The following COMMD10 variants were observed in gnomAD, a reference collection of about 807,000 sequenced individuals.
The protein encoded by COMMD10 is COMM domain containing 10.
A neutral mutation model predicts 28.9 loss-of-function variants in COMMD10; 33 were observed. That is an observed-to-expected ratio of 1.14 (90% CI 0.87 to 1.53). The LOEUF (loss-of-function observed/expected upper bound fraction) is 1.53. Ranked by LOEUF, COMMD10 falls within the 40% of genes most tolerant of loss-of-function variation. The pLI, the probability that COMMD10 is intolerant of heterozygous loss-of-function variation, is 0.00. For missense variants in COMMD10, 310 were observed against 233.4 expected (o/e 1.33, Z -2.14); for synonymous variants, 110 against 81.7 (o/e 1.35, Z -1.87).
At chr5:116,292,415 A>C in intron 6 of COMMD10, 36 bp from the exon 7 acceptor site, 1 of 1,434,912 alleles carries the variant, frequency 7.0e-7, no homozygotes, top group Non-Finnish European at 9.3e-7. Context: ...CGTTCCCTTC[A>C]CTAACGTCTT....
At chr5:116,287,328 G>A (rs1173423492) in intron 5 of COMMD10, among the ~76,000 whole-genome samples, 1 of 151,596 alleles carries the variant, frequency 6.6e-6, no homozygotes, top group East Asian at 1.9e-4. Flanking sequence ...ATTATATAAT[G>A]TCTTTCTTTG....
At chr5:116,177,410 T>C (rs1753551638) in intron 5 of COMMD10, among the ~76,000 whole-genome samples, 1 of 152,126 alleles carries the variant, frequency 6.6e-6, no homozygotes, top group South Asian at 2.1e-4. Context: ...CCTAAGGGAC[T>C]GCATTATTCT....
At chr5:116,277,885 C>T (rs1399717399) in intron 5 of COMMD10, among the ~76,000 whole-genome samples, 1 of 151,810 alleles carries the variant, frequency 6.6e-6, no homozygotes, top group Non-Finnish European at 1.5e-5. Flanking sequence ...TACATAGTAG[C>T]TCCTGAAAGT....
chr5:116,139,618 G>T (rs1002559522), intron 5 of COMMD10, among the ~76,000 whole-genome samples: 1 of 150,458 alleles, frequency 6.6e-6, no homozygotes, highest in African/African-American at 2.4e-5. Context: ...GAAGTATCAC[G>T]TATCATATCT....
chr5:116,093,587 C>G (rs1438756355), intron 4 of COMMD10, among the ~76,000 whole-genome samples: 1 of 152,140 alleles, frequency 6.6e-6, no homozygotes, highest in Non-Finnish European at 1.5e-5. Context: ...AAAGGGTGCT[C>G]TTGCTGGGTT....
intron 5 of COMMD10, among the ~76,000 whole-genome samples, chr5:116,264,769 G>C (rs1165669697): frequency 6.6e-6 from 1 of 151,724 alleles, no homozygotes; most frequent in East Asian, 1.9e-4. Flanking sequence ...AAAATGTCTT[G>C]AGCTCCTTGA....
intron 5 of COMMD10, among the ~76,000 whole-genome samples, chr5:116,162,270 T>C (rs902955945): frequency 1.3e-5 from 2 of 152,172 alleles, no homozygotes; most frequent in African/African-American, 2.4e-5. Context: ...GTATTTTGGA[T>C]TGGCATGGTA....
At chr5:116,223,187 C>A (rs1202282138) in intron 5 of COMMD10, among the ~76,000 whole-genome samples, 3 of 151,116 alleles carry the variant, frequency 2.0e-5, no homozygotes, top group African/African-American at 7.3e-5. Flanking sequence ...CAGATATTTT[C>A]TATATTGGAT....
In COMMD10 at chr5:116,289,656, G is replaced by A. The variant is rs1751313934; in HGVS notation, c.511-1861G>A. Among the ~76,000 whole-genome samples the A allele has an allele frequency of 1.3e-5, 2 of 151,884 alleles. 1 individual carries two copies. The highest frequency in any genetic ancestry group is 4.9e-5 in the African/African-American group (2 of 41,184). ...ATTCTTTTATTTCTGTCCTGAGGGAGGAGCTCTGGCATGGGGGGTGGTGGG... is the reference window on the plus strand; with the variant it reads ...ATTCTTTTATTTCTGTCCTGAGGGAAGAGCTCTGGCATGGGGGGTGGTGGG... On this transcript the variant is annotated intron_variant, in intron 5 of 6. Transcript: ENST00000274458.
At chr5:116,290,373 A>G (rs1751332644) in intron 5 of COMMD10, among the ~76,000 whole-genome samples, 1 of 113,800 alleles carries the variant, frequency 8.8e-6, no homozygotes, top group Non-Finnish European at 1.7e-5. Flanking sequence ...TTTAAAGCTT[A>G]AGTACTTAGA....
chr5:116,279,315 C>A (rs896778342), intron 5 of COMMD10, among the ~76,000 whole-genome samples: 1 of 151,862 alleles, frequency 6.6e-6, no homozygotes, highest in Non-Finnish European at 1.5e-5. Context: ...AATAGGTAAT[C>A]ATTTTGTTAA....
At chr5:116,150,449 G>A (rs1752487556) in intron 5 of COMMD10, among the ~76,000 whole-genome samples, 1 of 152,112 alleles carries the variant, frequency 6.6e-6, no homozygotes, top group Non-Finnish European at 1.5e-5. Context: ...ACCTTGGGAA[G>A]TATGGCTATT....
At chr5:116,232,727 A>G (rs906697772) in intron 5 of COMMD10, among the ~76,000 whole-genome samples, 7 of 152,130 alleles carry the variant, frequency 4.6e-5, no homozygotes, top group African/African-American at 9.7e-5. Context: ...AATAACAAAA[A>G]TCAATAAGCT....
chr5:116,209,238 T>C (rs1748897558), intron 5 of COMMD10, among the ~76,000 whole-genome samples: 2 of 152,204 alleles, frequency 1.3e-5, no homozygotes, highest in African/African-American at 4.8e-5. Flanking sequence ...TCCCCTGACC[T>C]TTATAAAAAC....
At chr5:116,106,569 A>G (rs980714224) in intron 4 of COMMD10, among the ~76,000 whole-genome samples, 1 of 152,102 alleles carries the variant, frequency 6.6e-6, no homozygotes, top group Non-Finnish European at 1.5e-5. Context: ...GATCTGTCTA[A>G]TATTGATAGT....
intron 5 of COMMD10, among the ~76,000 whole-genome samples, chr5:116,236,778 A>C (rs574753234): frequency 6.6e-5 from 10 of 152,194 alleles, no homozygotes; most frequent in African/African-American, 2.4e-4. Context: ...AGAATTTACA[A>C]CACCAAGAGT....
intron 5 of COMMD10, among the ~76,000 whole-genome samples, chr5:116,254,042 A>G (rs1190618505): frequency 1.3e-5 from 2 of 152,178 alleles, no homozygotes; most frequent in African/African-American, 4.8e-5. Context: ...ATATGTGTCA[A>G]GGACTTTATC....
intron 4 of COMMD10, among the ~76,000 whole-genome samples, chr5:116,113,649 C>T (rs757247750): frequency 4.0e-5 from 6 of 151,746 alleles, no homozygotes; most frequent in African/African-American, 9.7e-5. Context: ...TTTTTAAAGA[C>T]GTCTATCTCC....
At chr5:116,262,601 CATTA>C (rs1580594230) in intron 5 of COMMD10, among the ~76,000 whole-genome samples, 1 of 151,770 alleles carries the variant, frequency 6.6e-6, no homozygotes, top group Admixed American at 6.6e-5. Context: ...TAAGTCTACT[CATTA>C]TAAAAGTGAA....
Sources: allele counts gnomAD v4.1 joint callset (sites outside exome capture counted in the v4.1 genomes callset), GRCh38; gene constraint gnomAD v4.1.1; transcripts MANE v1.5; gene names NCBI Gene and HGNC (gene_info 2026-07-23, HGNC 2026-07-21).